The following CTNNA3 variants were observed in gnomAD, a reference collection of about 807,000 sequenced individuals.
CTNNA3 encodes catenin alpha 3.
CTNNA3 carries 76 observed loss-of-function variants against 95.7 expected under a neutral mutation model. The observed-to-expected ratio is 0.79, with a 90% CI of 0.66 to 0.96. The LOEUF is 0.96. Among genes scored for constraint, CTNNA3 ranks in the 40% least tolerant of loss-of-function variants. The pLI is 0.00. For synonymous variants in CTNNA3, 431 were observed against 374.4 expected, an observed-to-expected ratio of 1.15 and a Z score of -1.74; for missense variants, 1,191 against 1,089.8, an observed-to-expected ratio of 1.09 and a Z score of -1.31.
chr10:66,446,632 T>G (rs1416854737), intron 11 of CTNNA3, among the ~76,000 whole-genome samples: 3 of 152,132 alleles, frequency 2.0e-5, no homozygotes, highest in African/African-American at 4.8e-5. Context: ...AAACCCTTCA[T>G]GCTAAAAACT....
At chr10:66,478,429 A>T (rs1260934665) in intron 11 of CTNNA3, among the ~76,000 whole-genome samples, 3 of 152,052 alleles carry the variant, frequency 2.0e-5, no homozygotes, top group Non-Finnish European at 4.4e-5. Flanking sequence ...ATTTTTATTG[A>T]AAATTTTGAA....
At position 66,702,732 on chromosome 10, in the gene CTNNA3, A is replaced by AAGTAGTAGTAGTAGT. The variant is rs3055636; in HGVS notation, c.1281+63517_1281+63531dup. ...CAAAAAAAAAAAAAAAAAAAAGAAT[A>AAGTAGTAGTAGTAGT]AGTAGTAGTAGTAGTAGTAGTAGTA... On this transcript the variant is annotated intron_variant, in intron 9 of 17. Transcript: ENST00000433211. 9.7e-3 allele frequency among the ~76,000 whole-genome samples: 1,308 copies of AAGTAGTAGTAGTAGT among 134,322 alleles called. 31 individuals carry two copies. Among genetic ancestry groups the AAGTAGTAGTAGTAGT allele is most frequent in the African/African-American group, 0.03 (1,060 of 34,788 alleles). The allele number at this position is 134,322 out of a possible 152,430, so 88.1% of individuals were successfully genotyped here.
chr10:66,582,848 G>A (rs1344418330), intron 10 of CTNNA3, among the ~76,000 whole-genome samples: 1 of 151,722 alleles, frequency 6.6e-6, no homozygotes, highest in Non-Finnish European at 1.5e-5. Flanking sequence ...TTATCATAAA[G>A]TCATGCTGGA....
At chr10:65,987,326 A>G (rs1235372132) in intron 16 of CTNNA3, among the ~76,000 whole-genome samples, 1 of 151,980 alleles carries the variant, frequency 6.6e-6, no homozygotes, top group Non-Finnish European at 1.5e-5. Flanking sequence ...TACATAAGAC[A>G]TATCAACAGA....
chr10:66,628,690 G>C (rs921947673), intron 9 of CTNNA3, among the ~76,000 whole-genome samples: 1 of 152,060 alleles, frequency 6.6e-6, no homozygotes, highest in Admixed American at 6.6e-5. Context: ...AGGAAAAATG[G>C]TGTCTATGCC....
chr10:67,394,673 A>C (rs569569862), intron 5 of CTNNA3, among the ~76,000 whole-genome samples: 3 of 152,124 alleles, frequency 2.0e-5, no homozygotes, highest in Non-Finnish European at 4.4e-5. Context: ...TTACTAATTC[A>C]AACAAAAATA....
At chr10:67,254,661 C>T (rs1392091242) in intron 5 of CTNNA3, among the ~76,000 whole-genome samples, 2 of 152,118 alleles carry the variant, frequency 1.3e-5, no homozygotes, top group Admixed American at 1.3e-4. Context: ...CCTGTAAGAT[C>T]GTAATGTCGT....
At chr10:66,818,445 G>T (rs1330051127) in intron 7 of CTNNA3, among the ~76,000 whole-genome samples, 1 of 152,200 alleles carries the variant, frequency 6.6e-6, no homozygotes, top group African/African-American at 2.4e-5. Context: ...AGATCAATAT[G>T]TGAAAATCAT....
chr10:67,563,506 G>A (rs917633694), intron 3 of CTNNA3, among the ~76,000 whole-genome samples: 2 of 152,154 alleles, frequency 1.3e-5, no homozygotes, highest in Non-Finnish European at 2.9e-5. Context: ...ATGGATTAAA[G>A]ATTTAAATGT....
intron 3 of CTNNA3, among the ~76,000 whole-genome samples, chr10:67,556,299 C>A (rs1841249218): frequency 6.6e-6 from 1 of 152,276 alleles, no homozygotes; most frequent in South Asian, 2.1e-4. Flanking sequence ...CCCTGTTTTT[C>A]CATAAATTGG....
chr10:67,197,151 T>C (rs930811324), intron 6 of CTNNA3, among the ~76,000 whole-genome samples: 9 of 152,134 alleles, frequency 5.9e-5, no homozygotes, highest in Admixed American at 5.2e-4. Flanking sequence ...ATGAGGCTTA[T>C]GATTCCAAGC....
At chr10:66,997,922 T>C (rs1851449667) in intron 7 of CTNNA3, among the ~76,000 whole-genome samples, 1 of 152,136 alleles carries the variant, frequency 6.6e-6, no homozygotes, top group African/African-American at 2.4e-5. Context: ...CCTGAATATA[T>C]TGCAAATCTA....
At chr10:66,841,332 C>T (rs752023599) in intron 7 of CTNNA3, among the ~76,000 whole-genome samples, 2 of 152,144 alleles carry the variant, frequency 1.3e-5, no homozygotes, top group Non-Finnish European at 2.9e-5. Flanking sequence ...TAAAACTCCA[C>T]TACACAGTGT....
chr10:66,251,407 T>C (rs566264436), intron 13 of CTNNA3, among the ~76,000 whole-genome samples: 1 of 152,204 alleles, frequency 6.6e-6, no homozygotes, highest in African/African-American at 2.4e-5. Flanking sequence ...TAGGATGGAA[T>C]TTTAGTCATT....
chr10:66,067,409 C>T (rs1172102387), intron 15 of CTNNA3, among the ~76,000 whole-genome samples: 9 of 152,152 alleles, frequency 5.9e-5, no homozygotes, highest in Admixed American at 4.6e-4. Context: ...AACATAAGAT[C>T]ATACCTTATT....
At chr10:66,680,444 G>A (rs1847028661) in intron 9 of CTNNA3, among the ~76,000 whole-genome samples, 1 of 152,108 alleles carries the variant, frequency 6.6e-6, no homozygotes, top group African/African-American at 2.4e-5. Context: ...TAGAGGAAAG[G>A]CAATTCAAAG....
At chr10:67,425,495 G>A (rs899892897) in intron 5 of CTNNA3, among the ~76,000 whole-genome samples, 29 of 152,032 alleles carry the variant, frequency 1.9e-4, no homozygotes, top group African/African-American at 6.8e-4. Context: ...CTGCAGAACT[G>A]GAATGCTTTT....
chr10:66,301,041 T>C (rs2091855090), intron 12 of CTNNA3, among the ~76,000 whole-genome samples: 1 of 151,970 alleles, frequency 6.6e-6, no homozygotes. Context: ...CAAAATACCA[T>C]GAACAACCCT....
intron 11 of CTNNA3, among the ~76,000 whole-genome samples, chr10:66,423,690 C>T (rs948727489): frequency 3.9e-5 from 6 of 152,122 alleles, no homozygotes; most frequent in South Asian, 2.1e-4. Context: ...AACTTCTCCC[C>T]GACACGAAAA....
Sources: gnomAD v4.1 joint callset for allele counts (sites outside exome capture counted in the v4.1 genomes callset) on GRCh38, gnomAD v4.1.1 for gene constraint, MANE v1.5 for transcripts, NCBI Gene and HGNC (gene_info 2026-07-23, HGNC 2026-07-21) for gene names.